The following RPS6KC1 variants were observed in gnomAD, a reference collection of about 807,000 sequenced individuals.
The protein encoded by RPS6KC1 is ribosomal protein S6 kinase C1.
A neutral mutation model predicts 103.8 loss-of-function variants in RPS6KC1; 54 were observed. That is an observed-to-expected ratio of 0.52 (90% CI 0.42 to 0.65). The LOEUF is 0.65. RPS6KC1 is among the 30% of genes least tolerant of loss of function. The pLI, the probability that RPS6KC1 is intolerant of heterozygous loss-of-function variation, is 0.00. For missense variants in RPS6KC1, 1,151 were observed against 1,253.8 expected (o/e 0.92, Z 1.24); for synonymous variants, 439 against 438.7 (o/e 1.00, Z -0.01).
the RPS6KC1 span, among the ~76,000 whole-genome samples, chr1:213,306,184 C>A: frequency 6.6e-6 from 1 of 152,118 alleles, no homozygotes; most frequent in Non-Finnish European, 1.5e-5. Flanking sequence ...GTTAAGCATT[C>A]TCTTAAGTGC....
chr1:213,856,591 G>A, the RPS6KC1 span, among the ~76,000 whole-genome samples: 2 of 150,930 alleles, frequency 1.3e-5, no homozygotes, highest in Admixed American at 6.6e-5. Context: ...ATCACCAAAT[G>A]TTTGTTCTAC....
chr1:213,679,351 T>C, the RPS6KC1 span, among the ~76,000 whole-genome samples: 1 of 152,188 alleles, frequency 6.6e-6, no homozygotes, highest in Non-Finnish European at 1.5e-5. Flanking sequence ...TTTAAACAGA[T>C]AGTTATTGAA....
At chr1:213,729,865 T>C in the RPS6KC1 span, among the ~76,000 whole-genome samples, 1 of 152,284 alleles carries the variant, frequency 6.6e-6, no homozygotes, top group East Asian at 1.9e-4. Flanking sequence ...AATTATTTCA[T>C]CACTTGGGCA....
At chr1:213,456,077 A>G in the RPS6KC1 span, among the ~76,000 whole-genome samples, 1 of 152,240 alleles carries the variant, frequency 6.6e-6, no homozygotes, top group East Asian at 1.9e-4. Flanking sequence ...AGAGACCCAT[A>G]GCCAATGAGG....
chr1:213,261,652 C>CCTGGA lies in RPS6KC1; in HGVS notation c.2994+14_2994+18dup. On this transcript the variant is annotated intron_variant, in intron 13 of 14. Transcript: ENST00000366960. ...TTCTCACTGGCAAGGTAAGCAGTGG[C>CCTGGA]CTGGACGTTTAATAAATTTACTCAG... 6.2e-7 allele frequency: 1 copy of CCTGGA among 1,606,468 alleles called. No homozygotes were observed. Among genetic ancestry groups the CCTGGA allele is most frequent in the South Asian group, 1.1e-5 (1 of 90,856 alleles).
chr1:213,821,360 T>TC, the RPS6KC1 span: 1 of 152,024 alleles, frequency 6.6e-6, no homozygotes, highest in South Asian at 2.1e-4. Context: ...GCCCTCCTTT[T>TC]CCCCCAGGGC....
chr1:213,632,777 C>T, the RPS6KC1 span, among the ~76,000 whole-genome samples: 430 of 152,226 alleles, frequency 2.8e-3, 1 homozygote, highest in Non-Finnish European at 5.1e-3. Context: ...TCAAACCCAT[C>T]GCAAGGAATC....
At chr1:213,353,772 A>C in the RPS6KC1 span, among the ~76,000 whole-genome samples, 1 of 152,350 alleles carries the variant, frequency 6.6e-6, no homozygotes, top group Admixed American at 6.5e-5. Context: ...CACAATTGCA[A>C]GCAATTTTTT....
the RPS6KC1 span, among the ~76,000 whole-genome samples, chr1:213,286,148 A>G: frequency 6.6e-6 from 1 of 152,242 alleles, no homozygotes; most frequent in African/African-American, 2.4e-5. Flanking sequence ...TAGAATTTGA[A>G]TAGAAATTCT....
chr1:213,628,001 C>G, the RPS6KC1 span, among the ~76,000 whole-genome samples: 5 of 152,146 alleles, frequency 3.3e-5, no homozygotes, highest in Non-Finnish European at 7.3e-5. Flanking sequence ...AGGAATGGTA[C>G]CAGCTCCTCC....
chr1:213,077,690 C>T lies in RPS6KC1; in HGVS notation c.142-6C>T, dbSNP rs1470557039. On this transcript the variant is annotated splice_region_variant and splice_polypyrimidine_tract_variant and intron_variant, in intron 2 of 14. Transcript: ENST00000366960. ...TGAGATACATGTTTAATTTTTTTCT[C>T]TCTAGATAATTGTATGGAAGAGATA... The T allele has an allele frequency of 7.1e-7, 1 of 1,415,332 alleles. No individual in the cohort carries two copies. 87.7% of individuals were successfully genotyped at this position (1,415,332 alleles called of 1,614,324 possible).
the RPS6KC1 span, among the ~76,000 whole-genome samples, chr1:213,815,274 C>A: frequency 6.6e-6 from 1 of 152,172 alleles, no homozygotes; most frequent in African/African-American, 2.4e-5. Flanking sequence ...GTCAATTAAA[C>A]CTCTTTCCCA....
At chr1:213,362,647 C>T in the RPS6KC1 span, among the ~76,000 whole-genome samples, 1 of 152,150 alleles carries the variant, frequency 6.6e-6, no homozygotes, top group African/African-American at 2.4e-5. Flanking sequence ...ACAACTGGCT[C>T]ATGATGGTTA....
At chr1:213,815,040 G>T in the RPS6KC1 span, among the ~76,000 whole-genome samples, 4 of 152,146 alleles carry the variant, frequency 2.6e-5, no homozygotes, top group African/African-American at 9.7e-5. Flanking sequence ...ACGTGTCATG[G>T]GAGGGAGCCA....
the RPS6KC1 span, among the ~76,000 whole-genome samples, chr1:213,376,220 T>G: frequency 6.6e-6 from 1 of 152,126 alleles, no homozygotes; most frequent in Non-Finnish European, 1.5e-5. Flanking sequence ...TTTTCCATAT[T>G]TGTATAACTG....
At chr1:213,537,174 G>T in the RPS6KC1 span, among the ~76,000 whole-genome samples, 3 of 152,216 alleles carry the variant, frequency 2.0e-5, no homozygotes, top group South Asian at 6.2e-4. Flanking sequence ...CTGTAAGGCC[G>T]TGCTCCTTGC....
At chr1:213,612,482 T>C in the RPS6KC1 span, among the ~76,000 whole-genome samples, 1 of 152,184 alleles carries the variant, frequency 6.6e-6, no homozygotes, top group African/African-American at 2.4e-5. Flanking sequence ...CAACAATTCA[T>C]TTCAGTTTCC....
chr1:213,253,036 A>G (rs2094572275), intron 12 of RPS6KC1, among the ~76,000 whole-genome samples: 1 of 152,244 alleles, frequency 6.6e-6, no homozygotes, highest in Non-Finnish European at 1.5e-5. Context: ...TTTCATTTAA[A>G]AAAGCCTAGT....
At chr1:213,374,851 G>C in the RPS6KC1 span, among the ~76,000 whole-genome samples, 9 of 152,244 alleles carry the variant, frequency 5.9e-5, no homozygotes, top group Admixed American at 5.2e-4. Context: ...GCCTCTGGGA[G>C]GGGGGCCTTG....
Sources: gnomAD v4.1 joint callset for allele counts (sites outside exome capture counted in the v4.1 genomes callset) on GRCh38, gnomAD v4.1.1 for gene constraint, MANE v1.5 for transcripts, NCBI Gene and HGNC (gene_info 2026-07-23, HGNC 2026-07-21) for gene names.